Variants in INPP4B observed in about 807,000 individuals in gnomAD.
INPP4B encodes the protein inositol polyphosphate-4-phosphatase type II B, also known as inositol polyphosphate 4-phosphatase type II.
A neutral mutation model predicts 122.5 loss-of-function variants in INPP4B; 55 were observed. The observed-to-expected ratio is 0.45, with a 90% CI of 0.36 to 0.56. The LOEUF is 0.56. Ranked by LOEUF, INPP4B falls within the 20% of genes least tolerant of loss-of-function variation. The pLI, the probability that INPP4B is intolerant of heterozygous loss-of-function variation, is 0.00. For synonymous variants in INPP4B, 403 were observed against 388.7 expected (o/e 1.04, Z -0.43); for missense variants, 1,000 against 1,097.7 (o/e 0.91, Z 1.26).
intron 9 of INPP4B, among the ~76,000 whole-genome samples, chr4:142,301,184 C>T (rs1456094795): frequency 6.6e-6 from 1 of 152,246 alleles, no homozygotes; most frequent in African/African-American, 2.4e-5. Context: ...AGATGGATTA[C>T]ACCCAGAAAT....
Position 142,547,097 on chromosome 4 carries a change from ATGT to A in INPP4B, c.-190-84374_-190-84372del, listed in dbSNP as rs1359317912. On this transcript the variant is annotated intron_variant, in intron 2 of 25. Coordinates refer to ENST00000262992, the MANE Select transcript of INPP4B (RefSeq NM_001101669.3). ...CATTTCCTACTGTATAGCAATACAT[ATGT>A]TGTTTATTCCCCTCTTCCTGATCCC... Among the ~76,000 whole-genome samples the A allele has an allele frequency of 2.0e-5, 3 of 148,806 alleles. No homozygotes were observed. The Admixed American group carries it at 2.0e-4, about 10-fold the overall frequency.
In INPP4B at chr4:142,836,926, G is replaced by C. The variant is rs889734190; in HGVS notation, c.-254+9283C>G. On this transcript the variant is annotated intron_variant, in intron 1 of 25. Transcript: ENST00000262992. ...CATGCCTGTAATCCCAGCACTTTGGGAGGCCGAGGCGGGTGGATCACTTGA... is the reference window on the plus strand; with the variant it reads ...CATGCCTGTAATCCCAGCACTTTGGCAGGCCGAGGCGGGTGGATCACTTGA... Among the ~76,000 whole-genome samples, 5 of 152,238 alleles carry C rather than the reference G, an allele frequency of 3.3e-5. No individual in the cohort carries two copies. The East Asian group carries it at 9.7e-4, about 29-fold the overall frequency.
At chr4:142,186,052 A>C (rs1833071878) in intron 15 of INPP4B, among the ~76,000 whole-genome samples, 1 of 152,110 alleles carries the variant, frequency 6.6e-6, no homozygotes, top group South Asian at 2.1e-4. Context: ...AATGACCATC[A>C]ATGGTGTATT....
In INPP4B at chr4:142,636,087, G is replaced by A. The variant is rs146798673; in HGVS notation, c.-191+89752C>T. Among the ~76,000 whole-genome samples the A allele has an allele frequency of 7.9e-3, 1,206 of 152,036 alleles. 12 individuals carry two copies. The highest frequency in any genetic ancestry group is 0.026 in the African/African-American group (1,062 of 41,480). On this transcript the variant is annotated intron_variant, in intron 2 of 25. Transcript: ENST00000262992. ...AGTTCTAGTGGTAGTGAGTGATTTC[G>A]CACAAGATCTGATGGTTTTATAAGG...
intron 25 of INPP4B, among the ~76,000 whole-genome samples, chr4:142,055,599 G>C (rs1400329868): frequency 6.6e-6 from 1 of 151,874 alleles, no homozygotes; most frequent in Non-Finnish European, 1.5e-5. Flanking sequence ...CATATCCTAG[G>C]GCATCAGGAT....
intron 1 of INPP4B, among the ~76,000 whole-genome samples, chr4:142,824,172 T>C (rs1043474199): frequency 1.2e-4 from 19 of 152,098 alleles, no homozygotes; most frequent in Non-Finnish European, 2.6e-4. Flanking sequence ...ATTATACCAC[T>C]CACTTTCCTA....
At chr4:142,145,597 T>TATGTGG (rs1810259471) in intron 18 of INPP4B, among the ~76,000 whole-genome samples, 1 of 152,120 alleles carries the variant, frequency 6.6e-6, no homozygotes, top group African/African-American at 2.4e-5. Flanking sequence ...CTGTTCTTTT[T>TATGTGG]TCAAGGTTTT....
At chr4:142,442,708 C>G (rs571651040) in intron 3 of INPP4B, among the ~76,000 whole-genome samples, 2 of 152,122 alleles carry the variant, frequency 1.3e-5, no homozygotes, top group South Asian at 4.1e-4. Context: ...TAGTTGGATA[C>G]CTAAGGAAAT....
chr4:142,208,563 A>C (rs1438650536), intron 13 of INPP4B, 34 bp from the exon 14 acceptor site: 2 of 1,124,930 alleles, frequency 1.8e-6, no homozygotes, highest in South Asian at 1.4e-5. Context: ...ATTATTAGTA[A>C]ATAATGATAA....
chr4:142,843,307 T>C (rs1581040868), intron 1 of INPP4B, among the ~76,000 whole-genome samples: 1 of 151,846 alleles, frequency 6.6e-6, no homozygotes, highest in African/African-American at 2.4e-5. Context: ...CTAAATATTA[T>C]AGTATATATG....
At chr4:142,653,414 A>G (rs920118259) in intron 2 of INPP4B, among the ~76,000 whole-genome samples, 1 of 152,212 alleles carries the variant, frequency 6.6e-6, no homozygotes, top group Non-Finnish European at 1.5e-5. Context: ...GGCAAAATAA[A>G]ATACCATCAG....
At position 142,757,748 on chromosome 4, in the gene INPP4B, G is replaced by T. The variant is rs550403814; in HGVS notation, c.-253-31847C>A. On this transcript the variant is annotated intron_variant, in intron 1 of 25. Coordinates refer to ENST00000262992, the MANE Select transcript of INPP4B (RefSeq NM_001101669.3). ...ATGAATATAAACATCCACGTGCAGG[G>T]TTTTCAATTCATTTGGGTGCATACC... Among the ~76,000 whole-genome samples the T allele has an allele frequency of 2.6e-5, 4 of 152,116 alleles. No individual in the cohort carries two copies. The East Asian group carries it at 7.7e-4, about 29-fold the overall frequency.
chr4:142,640,151 A>G (rs1245619526), intron 2 of INPP4B, among the ~76,000 whole-genome samples: 5 of 152,174 alleles, frequency 3.3e-5, no homozygotes, highest in Admixed American at 6.5e-5. Context: ...CTACAATTCA[A>G]TGCAATCTTA....
intron 1 of INPP4B, among the ~76,000 whole-genome samples, chr4:142,781,984 A>T (rs2151030166): frequency 6.6e-6 from 1 of 151,568 alleles, no homozygotes; most frequent in Admixed American, 6.6e-5. Flanking sequence ...TTTTTAATTT[A>T]TTTTATTATT....
chr4:142,233,582 T>G (rs1030068630), intron 12 of INPP4B, among the ~76,000 whole-genome samples: 1 of 151,964 alleles, frequency 6.6e-6, no homozygotes, highest in Non-Finnish European at 1.5e-5. Context: ...AAGGTAAGAG[T>G]CTATCTGAAT....
intron 2 of INPP4B, among the ~76,000 whole-genome samples, chr4:142,498,016 T>C (rs1039359560): frequency 6.6e-6 from 1 of 152,068 alleles, no homozygotes; most frequent in Non-Finnish European, 1.5e-5. Flanking sequence ...ATGTTATGCA[T>C]ATATAATTTG....
At chr4:142,572,986 G>A (rs1186636372) in intron 2 of INPP4B, among the ~76,000 whole-genome samples, 1 of 151,834 alleles carries the variant, frequency 6.6e-6, no homozygotes, top group Non-Finnish European at 1.5e-5. Flanking sequence ...AGAACTACCT[G>A]AGACTGGGTA....
At chr4:142,596,124 C>T (rs1738635743) in intron 2 of INPP4B, among the ~76,000 whole-genome samples, 2 of 152,154 alleles carry the variant, frequency 1.3e-5, no homozygotes, top group African/African-American at 4.8e-5. Context: ...GGATTATAGG[C>T]ATGAGCGACA....
At chr4:142,208,840 T>C in intron 13 of INPP4B, 56 bp downstream of exon 13, 2 of 1,300,242 alleles carry the variant, frequency 1.5e-6, no homozygotes, top group East Asian at 2.5e-5. Flanking sequence ...TTTTTTTTCA[T>C]TTCACATGCA....
Sources: gnomAD v4.1 joint callset for allele counts (sites outside exome capture counted in the v4.1 genomes callset) on GRCh38, gnomAD v4.1.1 for gene constraint, MANE v1.5 for transcripts, NCBI Gene and HGNC (gene_info 2026-07-23, HGNC 2026-07-21) for gene names.